TENM3: variants seen among roughly 807,000 people sequenced by gnomAD.
The protein encoded by TENM3 is teneurin transmembrane protein 3.
TENM3 carries 63 observed loss-of-function variants against 255.1 expected under a neutral mutation model. The observed-to-expected ratio is 0.25, with a 90% CI of 0.20 to 0.30. The LOEUF is 0.30. Ranked by LOEUF, TENM3 falls within the 10% of genes least tolerant of loss-of-function variation. The probability of loss-of-function intolerance (pLI) is 1.00; values close to 1 mark genes in which losing one functional copy is unlikely to be tolerated. For missense variants in TENM3, 2,929 were observed against 3,461.1 expected (o/e 0.85, Z 3.86); for synonymous variants, 1,306 against 1,322.3 (o/e 0.99, Z 0.27).
At chr4:182,177,757 G>A (rs927701324) in intron 1 of TENM3, among the ~76,000 whole-genome samples, 2 of 151,420 alleles carry the variant, frequency 1.3e-5, no homozygotes, top group Admixed American at 1.3e-4. Flanking sequence ...TGAACTCCTG[G>A]GCTCAAGTGA....
chr4:182,022,502 T>TAAC, the TENM3 span, among the ~76,000 whole-genome samples: 1 of 145,810 alleles, frequency 6.9e-6, no homozygotes, highest in African/African-American at 2.5e-5. Context: ...TATGCCCATG[T>TAAC]AACAAACCTG....
the TENM3 span, among the ~76,000 whole-genome samples, chr4:182,103,584 T>A: frequency 2.0e-5 from 3 of 151,970 alleles, no homozygotes; most frequent in African/African-American, 7.3e-5. Context: ...ACACAAAGCC[T>A]GCAATCCAGC....
the TENM3 span, among the ~76,000 whole-genome samples, chr4:181,628,849 GT>G: frequency 6.6e-6 from 1 of 151,764 alleles, no homozygotes; most frequent in African/African-American, 2.4e-5. Flanking sequence ...ACTTTAAAGT[GT>G]TTTTTTTCCA....
At chr4:181,571,165 T>C in the TENM3 span, among the ~76,000 whole-genome samples, 1 of 151,980 alleles carries the variant, frequency 6.6e-6, no homozygotes, top group African/African-American at 2.4e-5. Flanking sequence ...GATATCTGAG[T>C]AGTGCATTTC....
the TENM3 span, among the ~76,000 whole-genome samples, chr4:181,669,490 C>T: frequency 6.6e-6 from 1 of 152,102 alleles, no homozygotes; most frequent in African/African-American, 2.4e-5. Flanking sequence ...TTATGTGGGG[C>T]ATTCTTTGTA....
chr4:182,773,795 A>G, intron 23 of TENM3, 148 bp downstream of exon 23: 1 of 604,758 alleles, frequency 1.7e-6, no homozygotes, highest in Non-Finnish European at 2.8e-6. Context: ...TGTACATGTA[A>G]TATTTATTTA....
At chr4:181,721,416 GA>G in the TENM3 span, among the ~76,000 whole-genome samples, 31 of 143,358 alleles carry the variant, frequency 2.2e-4, no homozygotes, top group Non-Finnish European at 4.1e-4. Context: ...CTAACACGGT[GA>G]AACCCCGTCT....
At chr4:181,549,426 A>G in the TENM3 span, among the ~76,000 whole-genome samples, 3 of 152,196 alleles carry the variant, frequency 2.0e-5, no homozygotes, top group Non-Finnish European at 4.4e-5. Context: ...TCTTTAAATA[A>G]GGTTTCTGGT....
chr4:182,032,983 C>CA, the TENM3 span, among the ~76,000 whole-genome samples: 149 of 145,180 alleles, frequency 1.0e-3, 1 homozygote, highest in African/African-American at 3.5e-3. Flanking sequence ...TTAATTTTTT[C>CA]AAAAAAAAAG....
At chr4:182,009,913 G>A in the TENM3 span, among the ~76,000 whole-genome samples, 3 of 146,402 alleles carry the variant, frequency 2.0e-5, no homozygotes, top group Non-Finnish European at 4.5e-5. Context: ...TGCGTAGAGT[G>A]CCCACTCACC....
At chr4:181,632,973 T>TAAA in the TENM3 span, among the ~76,000 whole-genome samples, 1 of 152,204 alleles carries the variant, frequency 6.6e-6, no homozygotes, top group African/African-American at 2.4e-5. Context: ...AGTAGAGTGC[T>TAAA]AAAATAGCAA....
At chr4:181,643,459 T>A in the TENM3 span, among the ~76,000 whole-genome samples, 2 of 152,200 alleles carry the variant, frequency 1.3e-5, no homozygotes, top group African/African-American at 4.8e-5. Flanking sequence ...GACTTCCTCT[T>A]TTCCTATTTG....
At chr4:182,621,802 T>TA (rs1750288409) in intron 4 of TENM3, among the ~76,000 whole-genome samples, 3 of 5,560 alleles carry the variant, frequency 5.4e-4, no homozygotes, top group African/African-American at 6.1e-4. Context: ...TAATATATAA[T>TA]ATATATATTA....
intron 3 of TENM3, among the ~76,000 whole-genome samples, chr4:182,359,056 C>G (rs1433378144): frequency 6.6e-6 from 1 of 151,524 alleles, no homozygotes; most frequent in Admixed American, 6.6e-5. Flanking sequence ...GCCTTGCACC[C>G]CAGGGATGAA....
At chr4:181,849,941 T>TCC in the TENM3 span, among the ~76,000 whole-genome samples, 3 of 45,478 alleles carry the variant, frequency 6.6e-5, no homozygotes, top group African/African-American at 1.3e-4. Context: ...TCTCTCTCTC[T>TCC]CTCTCTCTCA....
At chr4:181,784,375 T>G in the TENM3 span, among the ~76,000 whole-genome samples, 1 of 152,208 alleles carries the variant, frequency 6.6e-6, no homozygotes, top group African/African-American at 2.4e-5. Context: ...TATCTTAATT[T>G]ACATTGTCTG....
the TENM3 span, among the ~76,000 whole-genome samples, chr4:181,739,003 G>A: frequency 7.2e-5 from 11 of 152,098 alleles, no homozygotes; most frequent in Middle Eastern, 3.4e-3. Flanking sequence ...AGCTGGCAAG[G>A]GCACACTCAC....
the TENM3 span, among the ~76,000 whole-genome samples, chr4:181,958,102 A>G: frequency 6.6e-6 from 1 of 152,210 alleles, no homozygotes; most frequent in African/African-American, 2.4e-5. Flanking sequence ...CAAGCTGTTC[A>G]TACTGTTAAA....
chr4:181,703,935 A>G, the TENM3 span, among the ~76,000 whole-genome samples: 1 of 152,168 alleles, frequency 6.6e-6, no homozygotes, highest in Non-Finnish European at 1.5e-5. Context: ...ATATAACAGA[A>G]TATTCAGATG....
Sources: allele counts gnomAD v4.1 joint callset (sites outside exome capture counted in the v4.1 genomes callset), GRCh38; gene constraint gnomAD v4.1.1; transcripts MANE v1.5; gene names NCBI Gene and HGNC (gene_info 2026-07-23, HGNC 2026-07-21).